The following MEGF8 variants were observed in gnomAD, a reference collection of about 807,000 sequenced individuals.
MEGF8 encodes the protein multiple epidermal growth factor-like domains protein 8.
MEGF8 carries 156 observed loss-of-function variants against 302.9 expected under a neutral mutation model. The observed-to-expected ratio is 0.52, with a 90% confidence interval of 0.45 to 0.59. MEGF8 has a LOEUF of 0.59. Ranked by LOEUF, MEGF8 falls within the 20% of genes least tolerant of loss-of-function variation. The pLI is 0.00. For missense variants in MEGF8, 3,345 were observed against 3,964.5 expected (o/e 0.84, Z 4.20); for synonymous variants, 1,621 against 1,660.5 (o/e 0.98, Z 0.58).
rs369352974 is a variant in MEGF8 at position 42,355,766 on chromosome 19, G to A, written c.4153G>A (p.Val1385Met). 2.4e-5 allele frequency: 38 copies of A among 1,579,694 alleles called. No individual in the cohort carries two copies. Among genetic ancestry groups the A allele is most frequent in the Non-Finnish European group, 3.2e-5 (37 of 1,161,666 alleles). The change falls in exon 24 of 42, where the codon GTG becomes ATG. Residue 1385 changes from valine to methionine, a missense_variant. Val to Met is a conservative substitution (Grantham distance 21). Coordinates refer to ENST00000251268, the MANE Select transcript of MEGF8 (RefSeq NM_001271938.2). The part of the protein sequence containing the change: ...LTVQALSGLL[V>M]LHWEANGSSS... ...GGCCTCTCTCTTCACAGGGCTGCTC[G>A]TGCTGCACTGGGAGGCCAATGGCTC...
rs1158215562 is a variant in MEGF8, at chr19:42,336,032, C to T, written c.930C>T (p.Phe310=). 7.7e-6 allele frequency: 12 copies of T among 1,568,478 alleles called. No homozygotes were observed. Among genetic ancestry groups the T allele is most frequent in the African/African-American group, 1.4e-5 (1 of 74,068 alleles). ...CGCTCACCAACGACGTGTGGGCCTT[C>T]AGTCCACTGGGCAGGGGCCACTGGG... ...DGSLTNDVWA[F]SPLGRGHWEL... The change falls in exon 6 of 42, where the codon TTC becomes TTT. Residue 310 remains phenylalanine, a synonymous_variant. Coordinates refer to ENST00000251268, the MANE Select transcript of MEGF8 (RefSeq NM_001271938.2). This position sits in a 1 kb window ranked among gnomAD's most constrained non-coding sequence, Gnocchi z 4.8.
At chr19:42,370,860 GGGGGGGGGGGGGAGGC>G in intron 40 of MEGF8, 29 bp downstream of exon 40, 1 of 231,252 alleles carries the variant, frequency 4.3e-6, no homozygotes, top group Non-Finnish European at 9.2e-6. Context: ...GGGGGGGGGG[GGGGGGGGGGGGGAGGC>G]CGGGGATCCC....
Position 42,352,246 on chromosome 19 carries a change from G to T in MEGF8, c.3140G>T (p.Gly1047Val). The T allele has an allele frequency of 6.4e-7, 1 of 1,558,420 alleles. No homozygotes were observed. The highest frequency in any genetic ancestry group is 1.2e-5 in the South Asian group (1 of 85,114). The change falls in exon 19 of 42, where the codon GGT becomes GTT. Residue 1047 changes from glycine to valine, a missense_variant. Physicochemically the swap from Gly to Val is moderately radical, Grantham distance 109. Coordinates refer to ENST00000251268, the MANE Select transcript of MEGF8 (RefSeq NM_001271938.2). The surrounding 1 kb of genome is among the most constrained non-coding windows in gnomAD (Gnocchi z 4.4). ...GACTTCTCAGGGCCCCTCGGTGGGG[G>T]TAACTGCTCCCTGTGGGTGGGGGAG... ...QGDFSGPLGG[G>V]NCSLWVGEGL...
Position 42,354,505 on chromosome 19 carries a change from CT to C in MEGF8, c.4012-82del, listed in dbSNP as rs1236572257. 13 of 1,497,480 alleles carry C rather than the reference CT, an allele frequency of 8.7e-6. No individual in the cohort carries two copies. The African/African-American group carries it at 1.1e-4, about 13-fold the overall frequency. The allele number at this position is 1,497,480 out of a possible 1,614,324, so 92.8% of individuals were successfully genotyped here. A position where few individuals can be genotyped will look rare whatever the true frequency, so the allele number is the denominator to read the frequency against. ...TTTCCCAGTCTCAGATTGCCCTCCC[CT>C]CTTGAACCCCTCCTCCTCCCAGACC... On this transcript the variant is annotated intron_variant, in intron 22 of 41. Transcript: ENST00000251268. The surrounding 1 kb of genome is among the most constrained non-coding windows in gnomAD (Gnocchi z 4.3).
At chr19:42,345,180 C>T (rs540499460) in intron 12 of MEGF8, among the ~76,000 whole-genome samples, 2 of 152,196 alleles carry the variant, frequency 1.3e-5, no homozygotes, top group Non-Finnish European at 2.9e-5. Context: ...CCATGTTGGT[C>T]AGGCTGGTCT....
chr19:42,377,029 C>G lies in MEGF8; in HGVS notation c.*254C>G, dbSNP rs140158124. ...GACGAGGTTCCCTGATCTCATGGGA[C>G]TTAGGTTCTGGTGAAGGGAGACAAT... On this transcript the variant is annotated 3_prime_UTR_variant, in exon 42 of 42. Coordinates refer to ENST00000251268, the MANE Select transcript of MEGF8 (RefSeq NM_001271938.2). 9.2e-6 allele frequency: 4 copies of G among 433,168 alleles called. No individual in the cohort carries two copies. The highest frequency in any genetic ancestry group is 7.9e-5 in the Admixed American group (2 of 25,298). The allele number at this position is 433,168 out of a possible 1,614,324, so 26.8% of individuals were successfully genotyped here.
At chr19:42,338,857 C>T (rs1357648462) in intron 8 of MEGF8, among the ~76,000 whole-genome samples, 8 of 72,228 alleles carry the variant, frequency 1.1e-4, no homozygotes, top group Admixed American at 4.5e-4. Flanking sequence ...TTTTTTGAGA[C>T]GGAGTTTCGC....
Position 42,337,136 on chromosome 19 carries a change from C to T in MEGF8, c.1443C>T (p.Ile481=). Residue 481 remains isoleucine, a synonymous_variant, in exon 8 of 42, where the codon ATC becomes ATT. Transcript: ENST00000251268. ...AGGAAAAGTGCTACGAAGATGGCAT[C>T]TTCTTCTACCACCTTGGCTGCCATC... ...YQEEKCYEDG[I]FFYHLGCHQW... is the part of the protein sequence containing the mutation. The T allele has an allele frequency of 6.2e-7, 1 of 1,614,028 alleles. No individual in the cohort carries two copies. The highest frequency in any genetic ancestry group is 1.3e-5 in the African/African-American group (1 of 75,052).
At chr19:42,372,652 A>T (rs2039708520) in intron 41 of MEGF8, among the ~76,000 whole-genome samples, 1 of 149,458 alleles carries the variant, frequency 6.7e-6, no homozygotes, top group South Asian at 2.1e-4. Flanking sequence ...CTGCTTTTTT[A>T]TTTTTTTTTT....
At chr19:42,329,499 ATCT>A (rs1225728649) in intron 1 of MEGF8, among the ~76,000 whole-genome samples, 1 of 152,044 alleles carries the variant, frequency 6.6e-6, no homozygotes, top group Non-Finnish European at 1.5e-5. Flanking sequence ...CCCCTTGATG[ATCT>A]TCTGTTCTTA....
chr19:42,332,682 A>G (rs910788778), intron 1 of MEGF8, among the ~76,000 whole-genome samples: 1 of 152,098 alleles, frequency 6.6e-6, no homozygotes, highest in Non-Finnish European at 1.5e-5. Flanking sequence ...GGCTTTTCCT[A>G]TCATGACAGC....
chr19:42,357,058 G>T lies in MEGF8; in HGVS notation c.4830+77G>T. 7.2e-7 allele frequency: 1 copy of T among 1,387,064 alleles called. No individual in the cohort carries two copies. 85.9% of individuals were successfully genotyped at this position (1,387,064 alleles called of 1,614,324 possible). On this transcript the variant is annotated intron_variant, in intron 27 of 41. Coordinates refer to ENST00000251268, the MANE Select transcript of MEGF8 (RefSeq NM_001271938.2). The surrounding 1 kb of genome is among the most constrained non-coding windows in gnomAD (Gnocchi z 5.2). ...GAGACAGCTGTGGTAGCTCCTGCCA[G>T]CTCCATCCCCAGAGGAAACAGAAGC...
At position 42,355,989 on chromosome 19, in the gene MEGF8, C is replaced by T; in HGVS notation, c.4376C>T (p.Ala1459Val). 6.2e-7 allele frequency: 1 copy of T among 1,611,796 alleles called. No homozygotes were observed. Among genetic ancestry groups the T allele is most frequent in the Non-Finnish European group, 8.5e-7 (1 of 1,178,796 alleles). Residue 1459 changes from alanine to valine, a missense_variant, in exon 24 of 42, where the codon GCA becomes GTA. Physicochemically the swap from Ala to Val is moderately conservative, Grantham distance 64 (BLOSUM62 0). Coordinates refer to ENST00000251268, the MANE Select transcript of MEGF8 (RefSeq NM_001271938.2). ...CPENCNAHTG[A>V]GTCNQSLGVC... ...GAGAACTGCAATGCCCACACTGGGG[C>T]AGGAACTTGTAACCAGGTACAGGTG... is the stretch of plus-strand genomic sequence containing the variant.
Position 42,358,449 on chromosome 19 carries a change from C to G in MEGF8, c.5175+142C>G. 3 of 1,113,308 alleles carry G rather than the reference C, an allele frequency of 2.7e-6. No individual in the cohort carries two copies. The highest frequency in any genetic ancestry group is 3.7e-6 in the Non-Finnish European group (3 of 807,246). The allele number at this position is 1,113,308 out of a possible 1,614,324, so 69.0% of individuals were successfully genotyped here. ...CCCTAACTAAGCGACACCCCCACAT[C>G]TCCCCCGCTTCCATCCCTGATTTGG... On this transcript the variant is annotated intron_variant, in intron 29 of 41. Transcript: ENST00000251268. This position sits in a 1 kb window ranked among gnomAD's most constrained non-coding sequence, Gnocchi z 4.4.
rs770495431 is a variant in MEGF8, at chr19:42,368,605, G to C, written c.6424G>C (p.Gly2142Arg). The C allele has an allele frequency of 2.5e-6, 4 of 1,572,650 alleles. No individual in the cohort carries two copies. The highest frequency in any genetic ancestry group is 2.7e-5 in the African/African-American group (2 of 74,076). Reference sequence around the variant, plus strand: ...CCCCCATTGCGGCTGGTGTGCCTGGGGGGGCCAGGATGGGGGTGGCCGCTG... The same window carrying C: ...CCCCCATTGCGGCTGGTGTGCCTGGCGGGGCCAGGATGGGGGTGGCCGCTG... ...RRPHCGWCAWGGQDGGGRCME... is the reference protein window; with the variant it reads ...RRPHCGWCAWRGQDGGGRCME... The change falls in exon 36 of 42, where the codon GGG becomes CGG. Residue 2142 changes from glycine to arginine, a missense_variant. Coordinates refer to ENST00000251268, the MANE Select transcript of MEGF8 (RefSeq NM_001271938.2). The surrounding 1 kb of genome is among the most constrained non-coding windows in gnomAD (Gnocchi z 4.9).
intron 35 of MEGF8, among the ~76,000 whole-genome samples, chr19:42,367,416 G>A (rs10424939): frequency 0.022 from 3,372 of 151,930 alleles, 132 homozygotes; most frequent in African/African-American, 0.075. Flanking sequence ...AGCCTCCTGC[G>A]TAGCTGGGAC....
chr19:42,334,780 T>C (rs545576158), intron 3 of MEGF8, among the ~76,000 whole-genome samples: 1 of 152,280 alleles, frequency 6.6e-6, no homozygotes, highest in South Asian at 2.1e-4. Flanking sequence ...TCCGTCTGTC[T>C]GCTTCCTTCT....
At position 42,357,281 on chromosome 19, in the gene MEGF8, C is replaced by T; in HGVS notation, c.4831-123C>T. On this transcript the variant is annotated intron_variant, in intron 27 of 41. Transcript: ENST00000251268. The surrounding 1 kb of genome is among the most constrained non-coding windows in gnomAD (Gnocchi z 5.2). ...AGGACCCAGGCTGGTCCGACTGGCC[C>T]TGGGGGGGTCATTCCCTCCTTAGTA... 3 of 1,258,438 alleles carry T rather than the reference C, an allele frequency of 2.4e-6. No individual in the cohort carries two copies. The highest frequency in any genetic ancestry group is 3.3e-6 in the Non-Finnish European group (3 of 906,290). 78.0% of individuals were successfully genotyped at this position (1,258,438 alleles called of 1,614,324 possible). A position where few individuals can be genotyped will look rare whatever the true frequency, so the allele number is the denominator to read the frequency against.
rs1201744802 is a variant in MEGF8 at position 42,356,600 on chromosome 19, C to T, written c.4622+147C>T. 2.6e-5 allele frequency: 25 copies of T among 964,244 alleles called. No individual in the cohort carries two copies. Among genetic ancestry groups the T allele is most frequent in the African/African-American group, 9.9e-5 (6 of 60,596 alleles). 59.7% of individuals were successfully genotyped at this position (964,244 alleles called of 1,614,324 possible). A position where few individuals can be genotyped will look rare whatever the true frequency, so the allele number is the denominator to read the frequency against. On this transcript the variant is annotated intron_variant, in intron 26 of 41. Transcript: ENST00000251268. The surrounding 1 kb of genome is among the most constrained non-coding windows in gnomAD (Gnocchi z 5.2). ...GGACACTTGTCACAGGAAGCTCACC[C>T]GGGGACACTTGGGGACCAGGGTACT...
Sources: allele counts gnomAD v4.1 joint callset (sites outside exome capture counted in the v4.1 genomes callset), GRCh38; gene constraint gnomAD v4.1.1; non-coding constraint Gnocchi (gnomAD v3.1); transcripts MANE v1.5; gene names NCBI Gene and HGNC (gene_info 2026-07-23, HGNC 2026-07-21).